The following CFAP299 variants were observed in gnomAD, a reference collection of about 807,000 sequenced individuals.
CFAP299 encodes the protein cilia- and flagella-associated protein 299.
In CFAP299, 21 loss-of-function variants were observed where a neutral mutation model predicts 27.0. The ratio of observed to expected loss-of-function variants is 0.78; its 90% CI spans 0.55 to 1.12. The LOEUF is 1.12. Among genes scored for constraint, CFAP299 ranks in the 50% most tolerant of loss-of-function variants. CFAP299 has a pLI of 0.00. For synonymous variants in CFAP299, 104 were observed against 98.1 expected (o/e 1.06, Z -0.36); for missense variants, 310 against 276.6 (o/e 1.12, Z -0.86).
chr4:80,613,292 A>G (rs898042447), intron 3 of CFAP299, among the ~76,000 whole-genome samples: 7 of 152,070 alleles, frequency 4.6e-5, no homozygotes, highest in Non-Finnish European at 8.8e-5. Context: ...AAATATACAG[A>G]GCTTTGACAC....
rs183938463 is a variant in CFAP299, at chr4:80,906,087, C to T, written c.476+35952C>T. ...TGTAAAATCAAAAGCAAGTTAGTTA[C>T]TTCCTAGATACAATGGGGGTACAAG... On this transcript the variant is annotated intron_variant, in intron 4 of 5. Coordinates refer to ENST00000358105, the MANE Select transcript of CFAP299 (RefSeq NM_152770.3). Among the ~76,000 whole-genome samples, 385 of 152,334 alleles carry T rather than the reference C, an allele frequency of 2.5e-3. 1 individual carries two copies. Among genetic ancestry groups the T allele is most frequent in the Admixed American group, 5.8e-3 (88 of 15,302 alleles).
intron 1 of CFAP299, among the ~76,000 whole-genome samples, chr4:80,348,714 T>G (rs1250804375): frequency 6.6e-6 from 1 of 152,224 alleles, no homozygotes; most frequent in African/African-American, 2.4e-5. Context: ...AATAAATTTC[T>G]GTGATTTGAG....
chr4:80,379,879 A>G (rs556716984), intron 2 of CFAP299, among the ~76,000 whole-genome samples: 8 of 152,064 alleles, frequency 5.3e-5, no homozygotes, highest in Non-Finnish European at 1.2e-4. Context: ...TTGTAGGTGT[A>G]TTTTTAGAAT....
intron 4 of CFAP299, among the ~76,000 whole-genome samples, chr4:80,923,154 A>C (rs1016630866): frequency 9.2e-5 from 14 of 152,012 alleles, no homozygotes; most frequent in African/African-American, 2.7e-4. Flanking sequence ...CTTTGCCTTC[A>C]AAGGGCTTCT....
chr4:80,518,724 T>C (rs1490850691), intron 2 of CFAP299, among the ~76,000 whole-genome samples: 2 of 152,158 alleles, frequency 1.3e-5, no homozygotes. Context: ...GATCATGTCA[T>C]GTGCTGGCTT....
chr4:80,872,628 C>G (rs1733160535), intron 4 of CFAP299: 1 of 152,134 alleles, frequency 6.6e-6, no homozygotes, highest in East Asian at 1.9e-4. Flanking sequence ...CTCATCCTCA[C>G]CAACACAAGA....
At chr4:80,548,234 A>T (rs937179751) in intron 2 of CFAP299, among the ~76,000 whole-genome samples, 3 of 152,170 alleles carry the variant, frequency 2.0e-5, no homozygotes, top group African/African-American at 7.2e-5. Context: ...AGCAACATGG[A>T]TGTATTAATA....
intron 2 of CFAP299, among the ~76,000 whole-genome samples, chr4:80,450,035 A>G (rs540764652): frequency 9.2e-5 from 14 of 152,252 alleles, no homozygotes; most frequent in African/African-American, 3.4e-4. Flanking sequence ...AAAGCTATGC[A>G]GTAAGGCAGT....
At chr4:80,791,637 T>A (rs1289854868) in intron 3 of CFAP299, among the ~76,000 whole-genome samples, 2 of 152,052 alleles carry the variant, frequency 1.3e-5, no homozygotes, top group African/African-American at 4.8e-5. Context: ...AAATTCATAC[T>A]GCTTTAACAT....
intron 2 of CFAP299, among the ~76,000 whole-genome samples, chr4:80,445,039 G>A (rs1038395027): frequency 2.1e-4 from 32 of 152,310 alleles, no homozygotes; most frequent in African/African-American, 7.2e-4. Flanking sequence ...TGTTGGAGAG[G>A]ATGTGGAGAA....
intron 3 of CFAP299, among the ~76,000 whole-genome samples, chr4:80,615,128 A>G (rs1033461876): frequency 3.9e-5 from 6 of 152,150 alleles, no homozygotes; most frequent in African/African-American, 9.7e-5. Flanking sequence ...ATGGCCCTCT[A>G]TGCAGCCACT....
Position 80,933,454 on chromosome 4 carries a change from G to A in CFAP299, c.477-11356G>A, listed in dbSNP as rs150098806. ...ATAGTGCCCAACAGGTCCGTGCACG[G>A]TGTCACAAATGGCAGGATTTCCTTC... is the stretch of plus-strand genomic sequence containing the variant. On this transcript the variant is annotated intron_variant, in intron 4 of 5. Transcript: ENST00000358105. Among the ~76,000 whole-genome samples the A allele has an allele frequency of 4.1e-3, 618 of 152,174 alleles. 1 individual carries two copies. Among genetic ancestry groups the A allele is most frequent in the Middle Eastern group, 0.014 (4 of 294 alleles).
intron 3 of CFAP299, among the ~76,000 whole-genome samples, chr4:80,711,793 G>A (rs1431005389): frequency 6.6e-6 from 1 of 152,172 alleles, no homozygotes; most frequent in East Asian, 1.9e-4. Flanking sequence ...GGAGAAATGA[G>A]TTGCTACCAT....
intron 3 of CFAP299, among the ~76,000 whole-genome samples, chr4:80,724,578 T>C (rs1723036819): frequency 6.6e-6 from 1 of 152,130 alleles, no homozygotes; most frequent in African/African-American, 2.4e-5. Context: ...TCACTGACTT[T>C]TTTTGGAATT....
chr4:80,387,567 G>A lies in CFAP299; in HGVS notation c.242+24683G>A, dbSNP rs1026797401. On this transcript the variant is annotated intron_variant, in intron 2 of 5. Transcript: ENST00000358105. ...TGTTTTCCTCATCCTCCTGCCTACT[G>A]GGGTTCAGGGCCAAGACCTGTACAG... 32 of 991,304 alleles carry A rather than the reference G, an allele frequency of 3.2e-5. 2 individuals are homozygous for A. In the South Asian group the frequency reaches 3.2e-4, roughly 10 times the overall value. The allele number at this position is 991,304 out of a possible 1,614,324, so 61.4% of individuals were successfully genotyped here. A position where few individuals can be genotyped will look rare whatever the true frequency, so the allele number is the denominator to read the frequency against.
At chr4:80,849,256 C>T (rs1224491144) in intron 3 of CFAP299, among the ~76,000 whole-genome samples, 3 of 152,070 alleles carry the variant, frequency 2.0e-5, no homozygotes, top group Non-Finnish European at 4.4e-5. Context: ...TCAGGATCAT[C>T]AAGATGTCAC....
chr4:80,526,626 G>A (rs1037242766), intron 2 of CFAP299, among the ~76,000 whole-genome samples: 5 of 151,758 alleles, frequency 3.3e-5, no homozygotes, highest in African/African-American at 9.7e-5. Context: ...ATCAAATAAG[G>A]TATCTCCATT....
At chr4:80,843,596 G>A (rs1730990396) in intron 3 of CFAP299, among the ~76,000 whole-genome samples, 1 of 152,062 alleles carries the variant, frequency 6.6e-6, no homozygotes, top group Admixed American at 6.6e-5. Flanking sequence ...TATATACCCA[G>A]TAACGGGGTG....
chr4:80,644,811 A>C (rs541455311), intron 3 of CFAP299, among the ~76,000 whole-genome samples: 11 of 152,158 alleles, frequency 7.2e-5, no homozygotes, highest in Non-Finnish European at 1.3e-4. Context: ...ACAAGGCAAT[A>C]TTCCTTAGGC....
Sources: gnomAD v4.1 joint callset for allele counts (sites outside exome capture counted in the v4.1 genomes callset) on GRCh38, gnomAD v4.1.1 for gene constraint, MANE v1.5 for transcripts, NCBI Gene and HGNC (gene_info 2026-07-23, HGNC 2026-07-21) for gene names.